NDUFAF2: variants seen among roughly 807,000 people sequenced by gnomAD.
The protein encoded by NDUFAF2 is NADH dehydrogenase [ubiquinone] 1 alpha subcomplex assembly factor 2.
A neutral mutation model predicts 22.8 loss-of-function variants in NDUFAF2; 13 were observed. The observed-to-expected ratio is 0.57, with a 90% confidence interval of 0.37 to 0.91. NDUFAF2 has a LOEUF of 0.91. Ranked by LOEUF, NDUFAF2 falls within the 40% of genes least tolerant of loss-of-function variation. The pLI is 0.01. For missense variants in NDUFAF2, 162 were observed against 195.2 expected (o/e 0.83, Z 1.01); for synonymous variants, 53 against 64.2 (o/e 0.83, Z 0.84).
At chr5:60,969,217 G>T (rs1270208019) in intron 1 of NDUFAF2, among the ~76,000 whole-genome samples, 1 of 151,974 alleles carries the variant, frequency 6.6e-6, no homozygotes, top group Non-Finnish European at 1.5e-5. Flanking sequence ...CCTGTCTTTT[G>T]GGTATGTACC....
rs371498204 is a variant in NDUFAF2 at position 61,005,781 on chromosome 5, T to C, written c.127+60399T>C. ...TTCATATCGTTTGCCCACTTGTTGA[T>C]GGGGTTGTTTGATTTTTTCTTGTAA... On this transcript the variant is annotated intron_variant, in intron 1 of 3. Transcript: ENST00000296597. Among the ~76,000 whole-genome samples, 10 of 152,312 alleles carry C rather than the reference T, an allele frequency of 6.6e-5. No homozygotes were observed. In the East Asian group the frequency reaches 1.3e-3, roughly 21 times the overall value.
intron 1 of NDUFAF2, among the ~76,000 whole-genome samples, chr5:60,960,490 C>T (rs925959287): frequency 6.6e-6 from 1 of 152,074 alleles, no homozygotes; most frequent in African/African-American, 2.4e-5. Flanking sequence ...TTTCATACTC[C>T]CTCACTTTTC....
At chr5:60,992,808 A>G (rs1247439336) in intron 1 of NDUFAF2, among the ~76,000 whole-genome samples, 1 of 152,138 alleles carries the variant, frequency 6.6e-6, no homozygotes, top group Admixed American at 6.5e-5. Flanking sequence ...TTCAAGTTTA[A>G]AAATTTTTTC....
intron 2 of NDUFAF2, among the ~76,000 whole-genome samples, chr5:61,080,100 TG>T (rs1288056342): frequency 2.6e-5 from 4 of 152,200 alleles, no homozygotes; most frequent in African/African-American, 4.8e-5. Flanking sequence ...GATTTGTTTG[TG>T]TACTTGCATG....
intron 1 of NDUFAF2, among the ~76,000 whole-genome samples, chr5:60,978,458 A>G (rs527594019): frequency 6.6e-6 from 1 of 152,294 alleles, no homozygotes; most frequent in Non-Finnish European, 1.5e-5. Context: ...ACTTACAACC[A>G]TGGCGGAAGG....
intron 1 of NDUFAF2, among the ~76,000 whole-genome samples, chr5:61,019,523 A>G (rs1251280862): frequency 6.6e-6 from 1 of 152,116 alleles, no homozygotes; most frequent in East Asian, 1.9e-4. Flanking sequence ...AATGCAGTAC[A>G]CTTCAATAAG....
chr5:61,058,252 T>C (rs1752123511), intron 1 of NDUFAF2, among the ~76,000 whole-genome samples: 1 of 152,122 alleles, frequency 6.6e-6, no homozygotes. Flanking sequence ...TCTAGTAATA[T>C]TTGCCATCAT....
At chr5:60,993,605 G>A (rs1164975636) in intron 1 of NDUFAF2, among the ~76,000 whole-genome samples, 4 of 152,116 alleles carry the variant, frequency 2.6e-5, no homozygotes, top group Non-Finnish European at 5.9e-5. Context: ...TTAGCCCTCA[G>A]CAGATAGGAG....
At chr5:61,105,629 CAAA>C (rs35145386) in intron 3 of NDUFAF2, among the ~76,000 whole-genome samples, 12 of 117,734 alleles carry the variant, frequency 1.0e-4, no homozygotes, top group Non-Finnish European at 1.4e-4. Context: ...TGATACTGAG[CAAA>C]AAAAAAAAAA....
chr5:61,038,232 ATACTC>A (rs1373068004), intron 1 of NDUFAF2, among the ~76,000 whole-genome samples: 1 of 152,198 alleles, frequency 6.6e-6, no homozygotes, highest in East Asian at 1.9e-4. Flanking sequence ...CAAAAATAAA[ATACTC>A]TAAAAGACAT....
chr5:61,057,010 A>G (rs1440539468), intron 1 of NDUFAF2, among the ~76,000 whole-genome samples: 1 of 138,352 alleles, frequency 7.2e-6, no homozygotes, highest in Non-Finnish European at 1.5e-5. Flanking sequence ...CTTTCCTTTT[A>G]CTGCTGGTAA....
chr5:61,068,818 G>A (rs1025382708), intron 1 of NDUFAF2, among the ~76,000 whole-genome samples: 2 of 151,966 alleles, frequency 1.3e-5, no homozygotes, highest in African/African-American at 4.8e-5. Flanking sequence ...TTTACCAACC[G>A]AAATGTCAGT....
At chr5:61,051,803 T>C (rs1235360393) in intron 1 of NDUFAF2, among the ~76,000 whole-genome samples, 2 of 152,074 alleles carry the variant, frequency 1.3e-5, no homozygotes, top group Non-Finnish European at 2.9e-5. Context: ...AGGAGGAATG[T>C]AAAGTCAGGG....
intron 2 of NDUFAF2, among the ~76,000 whole-genome samples, chr5:61,077,667 A>T (rs1752386254): frequency 6.6e-6 from 1 of 152,220 alleles, no homozygotes; most frequent in Non-Finnish European, 1.5e-5. Flanking sequence ...GGAAAGATCC[A>T]GTCAGAAAGA....
At chr5:60,952,901 G>C (rs172348) in intron 1 of NDUFAF2, among the ~76,000 whole-genome samples, 1 of 151,626 alleles carries the variant, frequency 6.6e-6, no homozygotes, top group African/African-American at 2.4e-5. Context: ...ATAATTGAAA[G>C]ATAATAATAC....
chr5:61,000,009 G>A (rs985193378), intron 1 of NDUFAF2, among the ~76,000 whole-genome samples: 4 of 151,996 alleles, frequency 2.6e-5, no homozygotes, highest in South Asian at 2.1e-4. Context: ...TTTGCATAAT[G>A]ACTTTTGATG....
chr5:61,135,584 C>T (rs1353201101), intron 3 of NDUFAF2, among the ~76,000 whole-genome samples: 1 of 152,160 alleles, frequency 6.6e-6, no homozygotes, highest in African/African-American at 2.4e-5. Context: ...TAGATGTGCA[C>T]ATCAGGGGCC....
chr5:60,993,575 C>T (rs1176867120), intron 1 of NDUFAF2, among the ~76,000 whole-genome samples: 2 of 151,824 alleles, frequency 1.3e-5, no homozygotes, highest in African/African-American at 2.4e-5. Flanking sequence ...TCTCTGCAAC[C>T]TGGTCATCAT....
chr5:61,069,275 C>A (rs929789168), intron 1 of NDUFAF2, among the ~76,000 whole-genome samples: 5 of 152,094 alleles, frequency 3.3e-5, no homozygotes, highest in Non-Finnish European at 7.4e-5. Flanking sequence ...ACACCCATTA[C>A]CTGTCCATAG....
Sources: gnomAD v4.1 joint callset for allele counts (sites outside exome capture counted in the v4.1 genomes callset) on GRCh38, gnomAD v4.1.1 for gene constraint, MANE v1.5 for transcripts, NCBI Gene and HGNC (gene_info 2026-07-23, HGNC 2026-07-21) for gene names.